The following HSD17B4 variants were observed in gnomAD, a reference collection of about 807,000 sequenced individuals.
HSD17B4 encodes the protein hydroxysteroid 17-beta dehydrogenase 4, also known as peroxisomal multifunctional enzyme type 2.
Under a neutral mutation model 101.0 loss-of-function variants are expected in HSD17B4, and 70 were observed. The observed-to-expected ratio is 0.69, with a 90% CI of 0.57 to 0.85. The LOEUF (loss-of-function observed/expected upper bound fraction) is 0.85. HSD17B4 is among the 40% of genes least tolerant of loss of function. The pLI is 0.00. For missense variants in HSD17B4, 984 were observed against 892.4 expected, an observed-to-expected ratio of 1.10 and a Z score of -1.31; for synonymous variants, 347 against 297.1, an observed-to-expected ratio of 1.17 and a Z score of -1.73.
At chr5:119,530,987 G>C (rs185931797) in intron 21 of HSD17B4, among the ~76,000 whole-genome samples, 1 of 151,562 alleles carries the variant, frequency 6.6e-6, no homozygotes, top group East Asian at 1.9e-4. Context: ...ATTTGATCAG[G>C]ATCTTTCTAA....
Position 119,531,201 on chromosome 5 carries a change from T to A in HSD17B4, c.1855-65T>A, listed in dbSNP as rs866453848. 2.4e-5 allele frequency: 36 copies of A among 1,529,618 alleles called. No individual in the cohort carries two copies. The African/African-American group carries it at 3.7e-4, about 16-fold the overall frequency. 94.8% of individuals were successfully genotyped at this position (1,529,618 alleles called of 1,614,324 possible). On this transcript the variant is annotated intron_variant, in intron 21 of 23. Coordinates refer to ENST00000510025, the MANE Select transcript of HSD17B4 (RefSeq NM_000414.4). ...AAATCTTTTTTTTGCACATGTTTTA[T>A]AATCACTTTTCTCCATGAGTTATTT...
chr5:119,482,087 C>T (rs1273948799), intron 8 of HSD17B4, among the ~76,000 whole-genome samples: 1 of 152,086 alleles, frequency 6.6e-6, no homozygotes, highest in Non-Finnish European at 1.5e-5. Context: ...ATCACTCCTT[C>T]AAATACTTCT....
chr5:119,536,620 C>T, intron 23 of HSD17B4, 70 bp downstream of exon 23: 4 of 1,427,760 alleles, frequency 2.8e-6, no homozygotes, highest in East Asian at 2.3e-5. Context: ...AGTTTTTAAG[C>T]TGATGCCCAA....
chr5:119,502,032 C>G lies in HSD17B4; in HGVS notation c.1210-9C>G, dbSNP rs748506604. On this transcript the variant is annotated splice_polypyrimidine_tract_variant and intron_variant, in intron 13 of 23. Coordinates refer to ENST00000510025, the MANE Select transcript of HSD17B4 (RefSeq NM_000414.4). The stretch of plus-strand genomic sequence containing the variant: ...GTTTGCTAATAAAATTTTGTTTACC[C>G]TAACATAGGTTCTTCATGGAGAGCA... 31 of 1,595,648 alleles carry G rather than the reference C, an allele frequency of 1.9e-5. No homozygotes were observed. Among genetic ancestry groups the G allele is most frequent in the Non-Finnish European group, 2.6e-5 (30 of 1,163,706 alleles).
chr5:119,491,318 C>G (rs186865511), intron 9 of HSD17B4, among the ~76,000 whole-genome samples: 2 of 152,248 alleles, frequency 1.3e-5, no homozygotes, highest in African/African-American at 2.4e-5. Flanking sequence ...AAAAGCCACA[C>G]CCTTGAACTT....
rs753171904 is a variant in HSD17B4, at chr5:119,506,808, T to G, written c.1262-10T>G. 5 of 1,515,030 alleles carry G rather than the reference T, an allele frequency of 3.3e-6. No homozygotes were observed. The South Asian group carries it at 4.5e-5, about 14-fold the overall frequency. The allele number at this position is 1,515,030 out of a possible 1,614,324, so 93.8% of individuals were successfully genotyped here. On this transcript the variant is annotated splice_polypyrimidine_tract_variant and intron_variant, in intron 14 of 23. Transcript: ENST00000510025. ...TTAAGACACTGTATTTCTTTTACTT[T>G]TCTTTCTAGGAAAATTAAAATGTGA... is the stretch of plus-strand genomic sequence containing the variant.
intron 15 of HSD17B4, among the ~76,000 whole-genome samples, chr5:119,507,301 T>TA (rs1751743537): frequency 6.6e-6 from 1 of 152,218 alleles, no homozygotes; most frequent in Non-Finnish European, 1.5e-5. Flanking sequence ...ATTTGAACAC[T>TA]AAATTATTCT....
At chr5:119,465,836 C>G (rs895446474) in intron 2 of HSD17B4, among the ~76,000 whole-genome samples, 2 of 152,094 alleles carry the variant, frequency 1.3e-5, no homozygotes, top group Non-Finnish European at 2.9e-5. Context: ...GCCTAATTGT[C>G]CTGGCTAGTA....
intron 4 of HSD17B4, among the ~76,000 whole-genome samples, chr5:119,474,803 C>A (rs1174343285): frequency 6.6e-6 from 1 of 152,040 alleles, no homozygotes; most frequent in East Asian, 1.9e-4. Flanking sequence ...CCAGTGGATT[C>A]TTTTGGATAA....
chr5:119,479,862 A>G (rs1025888430), intron 8 of HSD17B4, among the ~76,000 whole-genome samples: 1 of 152,120 alleles, frequency 6.6e-6, no homozygotes, highest in Non-Finnish European at 1.5e-5. Context: ...ATGGAGTGTG[A>G]TTGCTGGATG....
At chr5:119,505,379 A>G (rs941048745) in intron 14 of HSD17B4, among the ~76,000 whole-genome samples, 3 of 152,114 alleles carry the variant, frequency 2.0e-5, no homozygotes, top group South Asian at 2.1e-4. Flanking sequence ...ACCCATGAGT[A>G]TGGAATGTTT....
chr5:119,457,793 C>G (rs1249420307), intron 2 of HSD17B4, among the ~76,000 whole-genome samples: 4 of 152,102 alleles, frequency 2.6e-5, no homozygotes, highest in Non-Finnish European at 2.9e-5. Context: ...ACTAAAGGAC[C>G]TAGAATATTT....
intron 9 of HSD17B4, among the ~76,000 whole-genome samples, chr5:119,490,178 A>G (rs1251328177): frequency 1.3e-5 from 2 of 152,182 alleles, no homozygotes; most frequent in Non-Finnish European, 1.5e-5. Flanking sequence ...AACAGTTTGC[A>G]TATCTCTGAG....
intron 18 of HSD17B4, 137 bp from the exon 19 acceptor site, chr5:119,525,780 T>C: frequency 3.1e-6 from 2 of 643,510 alleles, no homozygotes; most frequent in Non-Finnish European, 5.6e-6. Context: ...AAAAAATATC[T>C]ACTGTGTTTC....
chr5:119,538,101 T>C (rs1316740395), intron 23 of HSD17B4, among the ~76,000 whole-genome samples: 1 of 152,172 alleles, frequency 6.6e-6, no homozygotes, highest in Non-Finnish European at 1.5e-5. Context: ...TGGGAAACTT[T>C]CTGGCATGTC....
Position 119,541,834 on chromosome 5 carries a change from TAA to T in HSD17B4, c.2122-58_2122-57del, listed in dbSNP as rs377089667. The T allele has an allele frequency of 7.6e-3, 6,000 of 784,564 alleles. 113 individuals carry two copies. The highest frequency in any genetic ancestry group is 0.075 in the African/African-American group (4,059 of 54,402). 48.6% of individuals were successfully genotyped at this position (784,564 alleles called of 1,614,324 possible). On this transcript the variant is annotated intron_variant, in intron 23 of 23. Coordinates refer to ENST00000510025, the MANE Select transcript of HSD17B4 (RefSeq NM_000414.4). ...CAATTGTATTCAGTCTGAATAATCT[TAA>T]AAAAAAAAAAAAGAAATAAACTATA...
chr5:119,504,434 C>T (rs1434379181), intron 14 of HSD17B4, among the ~76,000 whole-genome samples: 1 of 152,124 alleles, frequency 6.6e-6, no homozygotes, highest in East Asian at 1.9e-4. Flanking sequence ...TGCAGCCTCA[C>T]CAGCATCTGT....
intron 17 of HSD17B4, among the ~76,000 whole-genome samples, chr5:119,520,864 G>A (rs1194283649): frequency 3.3e-5 from 5 of 151,906 alleles, no homozygotes; most frequent in East Asian, 1.9e-4. Flanking sequence ...CTTTGGCTTC[G>A]TTTCTTGTAT....
chr5:119,478,862 A>G lies in HSD17B4; in HGVS notation c.463A>G (p.Ile155Val). The G allele has an allele frequency of 1.2e-6, 2 of 1,613,542 alleles. No individual in the cohort carries two copies. Among genetic ancestry groups the G allele is most frequent in the Non-Finnish European group, 1.7e-6 (2 of 1,179,608 alleles). The change falls in exon 8 of 24, where the codon ATA becomes GTA. Residue 155 changes from isoleucine to valine, a missense_variant. Coordinates refer to ENST00000510025, the MANE Select transcript of HSD17B4 (RefSeq NM_000414.4). The part of the protein sequence containing the change: ...RIIMTSSASG[I>V]YGNFGQANYS... ...TATTATGACTTCATCAGCTTCAGGAATATATGGCAACTTTGGCCAGGCCAA... is the reference window on the plus strand; with the variant it reads ...TATTATGACTTCATCAGCTTCAGGAGTATATGGCAACTTTGGCCAGGCCAA...
Sources: allele counts gnomAD v4.1 joint callset (sites outside exome capture counted in the v4.1 genomes callset), GRCh38; gene constraint gnomAD v4.1.1; transcripts MANE v1.5; gene names NCBI Gene and HGNC (gene_info 2026-07-23, HGNC 2026-07-21).